Variants in SOX5 observed in about 807,000 individuals in gnomAD.
The protein encoded by SOX5 is SRY-box transcription factor 5.
In SOX5, 9 loss-of-function variants were observed where a neutral mutation model predicts 92.0. That is an observed-to-expected ratio of 0.10 (90% CI 0.06 to 0.17). SOX5 has a LOEUF of 0.17. Ranked by LOEUF, SOX5 falls within the 10% of genes least tolerant of loss-of-function variation. SOX5 has a pLI of 1.00. For synonymous variants in SOX5, 344 were observed against 336.3 expected, an observed-to-expected ratio of 1.02 and a Z score of -0.25; for missense variants, 642 against 944.5, an observed-to-expected ratio of 0.68 and a Z score of 4.20.
chr12:23,534,133 G>C lies in SOX5; in HGVS notation c.*86C>G. 2 of 1,103,314 alleles carry C rather than the reference G, an allele frequency of 1.8e-6. No individual in the cohort carries two copies. Among genetic ancestry groups the C allele is most frequent in the Non-Finnish European group, 2.7e-6 (2 of 745,078 alleles). 68.3% of individuals were successfully genotyped at this position (1,103,314 alleles called of 1,614,324 possible). On this transcript the variant is annotated 3_prime_UTR_variant, in exon 15 of 15. Transcript: ENST00000451604. ...AGTTAAAGTAACAGTCAGTGTATGAGAAAGTTAATGTGCTTGGCCACTGGT... is the reference window on the plus strand; with the variant it reads ...AGTTAAAGTAACAGTCAGTGTATGACAAAGTTAATGTGCTTGGCCACTGGT...
intron 4 of SOX5, among the ~76,000 whole-genome samples, chr12:24,120,668 CT>C (rs1948518710): frequency 6.6e-6 from 1 of 152,196 alleles, no homozygotes; most frequent in Non-Finnish European, 1.5e-5. Context: ...TATCTGTGAT[CT>C]TATGGCTAAA....
At chr12:23,697,406 G>T (rs761013300) in intron 6 of SOX5, among the ~76,000 whole-genome samples, 4 of 152,004 alleles carry the variant, frequency 2.6e-5, no homozygotes, top group Non-Finnish European at 5.9e-5. Context: ...GTGTTAACTT[G>T]GTATATCTTT....
At chr12:24,240,301 T>C (rs2140053418) in intron 3 of SOX5, among the ~76,000 whole-genome samples, 1 of 152,302 alleles carries the variant, frequency 6.6e-6, no homozygotes, top group African/African-American at 2.4e-5. Context: ...CTCTGTCTGT[T>C]GTAACGCCTC....
chr12:24,497,669 T>A (rs1265161996), intron 1 of SOX5, among the ~76,000 whole-genome samples: 1 of 152,094 alleles, frequency 6.6e-6, no homozygotes, highest in African/African-American at 2.4e-5. Context: ...GAGGCAAAAA[T>A]ACCACTTGAC....
rs531251243 is a variant in SOX5, at chr12:23,843,753, G to A, written c.481+2230C>T. Among the ~76,000 whole-genome samples, 462 of 151,402 alleles carry A rather than the reference G, an allele frequency of 3.1e-3. 2 individuals are homozygous for A. Among genetic ancestry groups the A allele is most frequent in the African/African-American group, 0.011 (456 of 41,284 alleles). ...TAATTTTTGTATTTTTAGTAGAGACGGGGTTTCACCATGTTGGCCAAGCTG... is the reference window on the plus strand; with the variant it reads ...TAATTTTTGTATTTTTAGTAGAGACAGGGTTTCACCATGTTGGCCAAGCTG... On this transcript the variant is annotated intron_variant, in intron 3 of 14. Coordinates refer to ENST00000451604, the MANE Select transcript of SOX5 (RefSeq NM_006940.6).
At chr12:24,383,919 G>T in intron 1 of SOX5, among the ~76,000 whole-genome samples, 1 of 152,138 alleles carries the variant, frequency 6.6e-6, no homozygotes, top group African/African-American at 2.4e-5. Context: ...GGAACCTGTG[G>T]GAGGTAATTG....
intron 8 of SOX5, among the ~76,000 whole-genome samples, chr12:23,606,175 T>C (rs567446421): frequency 4.6e-5 from 7 of 152,026 alleles, no homozygotes; most frequent in African/African-American, 1.4e-4. Flanking sequence ...AAACTACTTA[T>C]AAAGTCTTTA....
At chr12:24,472,871 TACCTA>T (rs1944955797) in intron 1 of SOX5, among the ~76,000 whole-genome samples, 1 of 152,080 alleles carries the variant, frequency 6.6e-6, no homozygotes, top group Admixed American at 6.5e-5. Flanking sequence ...TTTAAAACAA[TACCTA>T]TTGTGTTACC....
intron 4 of SOX5, among the ~76,000 whole-genome samples, chr12:24,059,390 C>T (rs867886286): frequency 5.9e-5 from 9 of 152,044 alleles, no homozygotes; most frequent in African/African-American, 1.2e-4. Flanking sequence ...CCACACTTGG[C>T]GCTTGAGTAT....
rs534072284 is a variant in SOX5 at position 24,281,249 on chromosome 12, A to C, written c.-173-3937T>G. Among the ~76,000 whole-genome samples, 35 of 151,860 alleles carry C rather than the reference A, an allele frequency of 2.3e-4. No individual in the cohort carries two copies. In the East Asian group the frequency reaches 5.2e-3, roughly 23 times the overall value. ...AAATTACCAAAAGGAAAAAAAAAAA[A>C]AAAAAAAACTGTTGTTCTTTATTCC... On this transcript the variant is annotated intron_variant, in intron 2 of 4. Coordinates refer to the SOX5 transcript ENST00000446891.
chr12:23,883,824 G>C (rs954935179), intron 2 of SOX5, among the ~76,000 whole-genome samples: 1 of 152,160 alleles, frequency 6.6e-6, no homozygotes, highest in African/African-American at 2.4e-5. Flanking sequence ...ACAGCATTAA[G>C]CAAAATAATG....
intron 4 of SOX5, among the ~76,000 whole-genome samples, chr12:24,022,965 C>A (rs182565343): frequency 1.3e-4 from 19 of 151,618 alleles, no homozygotes; most frequent in Admixed American, 1.1e-3. Flanking sequence ...AATTTTATTG[C>A]TATTGTTTGG....
chr12:24,168,123 G>C (rs1051369787), intron 4 of SOX5, among the ~76,000 whole-genome samples: 1 of 152,134 alleles, frequency 6.6e-6, no homozygotes, highest in African/African-American at 2.4e-5. Context: ...TAAAATTTAT[G>C]CATATTTTGG....
At chr12:24,374,441 G>C (rs1957041880) in intron 1 of SOX5, among the ~76,000 whole-genome samples, 1 of 152,072 alleles carries the variant, frequency 6.6e-6, no homozygotes, top group African/African-American at 2.4e-5. Flanking sequence ...CTCGTAGTTG[G>C]TGCCCATGTG....
intron 4 of SOX5, among the ~76,000 whole-genome samples, chr12:24,106,612 G>T (rs1456989872): frequency 6.6e-6 from 1 of 151,864 alleles, no homozygotes; most frequent in Non-Finnish European, 1.5e-5. Flanking sequence ...CTAACATGGT[G>T]AAACCCCCGT....
At chr12:23,966,468 T>C (rs1947595245) in intron 4 of SOX5, among the ~76,000 whole-genome samples, 1 of 114,244 alleles carries the variant, frequency 8.8e-6, no homozygotes, top group Non-Finnish European at 1.9e-5. Context: ...AGAAATGCAA[T>C]GAAGAAAAAT....
At chr12:23,825,736 A>C (rs1187699370) in intron 3 of SOX5, among the ~76,000 whole-genome samples, 1 of 152,158 alleles carries the variant, frequency 6.6e-6, no homozygotes, top group Non-Finnish European at 1.5e-5. Flanking sequence ...ATATTTTAGA[A>C]GGTTTCATAT....
chr12:24,104,717 C>T (rs1467491959), intron 4 of SOX5, among the ~76,000 whole-genome samples: 1 of 152,150 alleles, frequency 6.6e-6, no homozygotes, highest in African/African-American at 2.4e-5. Context: ...AGTCCCTTTT[C>T]AGAAATGTCT....
At chr12:23,912,886 T>A in intron 1 of SOX5, among the ~76,000 whole-genome samples, 1 of 152,284 alleles carries the variant, frequency 6.6e-6, no homozygotes, top group East Asian at 1.9e-4. Flanking sequence ...AGATGTCTTT[T>A]AGAGTAATGA....
Sources: gnomAD v4.1 joint callset for allele counts (sites outside exome capture counted in the v4.1 genomes callset) on GRCh38, gnomAD v4.1.1 for gene constraint, MANE v1.5 for transcripts, NCBI Gene and HGNC (gene_info 2026-07-23, HGNC 2026-07-21) for gene names.